The following DENND1A variants were observed in gnomAD, a reference collection of about 807,000 sequenced individuals.
DENND1A encodes the protein DENN domain-containing protein 1A.
A neutral mutation model predicts 113.7 loss-of-function variants in DENND1A; 51 were observed. That is an observed-to-expected ratio of 0.45 (90% CI 0.36 to 0.57). The LOEUF (loss-of-function observed/expected upper bound fraction) is 0.57, where lower values mean the gene tolerates loss of function less well. Among genes scored for constraint, DENND1A ranks in the 20% least tolerant of loss-of-function variants. The pLI is 0.00. For missense variants in DENND1A, 1,258 were observed against 1,395.9 expected (o/e 0.90, Z 1.57); for synonymous variants, 565 against 570.8 (o/e 0.99, Z 0.14).
intron 13 of DENND1A, among the ~76,000 whole-genome samples, chr9:123,490,735 A>G (rs1038243820): frequency 3.9e-5 from 6 of 152,326 alleles, no homozygotes; most frequent in African/African-American, 9.6e-5. Flanking sequence ...AATATATGCT[A>G]TAATTTCAAT....
chr9:123,588,636 G>T lies in DENND1A; in HGVS notation c.766-5366C>A, dbSNP rs1041879160. Among the ~76,000 whole-genome samples, 82 of 134,126 alleles carry T rather than the reference G, an allele frequency of 6.1e-4. 2 individuals carry two copies. Among genetic ancestry groups the T allele is most frequent in the Admixed American group, 2.1e-3 (28 of 13,576 alleles). The allele number at this position is 134,126 out of a possible 152,430, so 88.0% of individuals were successfully genotyped here. A position where few individuals can be genotyped will look rare whatever the true frequency, so the allele number is the denominator to read the frequency against. ...ACTCCATCTCAAAAAAAAAAAAAGG[G>T]GGGGGGGGAAGAGAAAAGTTTAAAG... On this transcript the variant is annotated intron_variant, in intron 11 of 23. Transcript: ENST00000394215.
intron 5 of DENND1A, among the ~76,000 whole-genome samples, chr9:123,732,876 G>A (rs2068277110): frequency 6.6e-6 from 1 of 152,108 alleles, no homozygotes; most frequent in Non-Finnish European, 1.5e-5. Context: ...TGTATAATGG[G>A]GGCCATAGTG....
chr9:123,838,255 A>AAAGG (rs909593681), intron 2 of DENND1A, among the ~76,000 whole-genome samples: 68 of 152,316 alleles, frequency 4.5e-4, no homozygotes, highest in African/African-American at 1.4e-3. Context: ...CACTTATAAA[A>AAAGG]TGAGGACAAT....
intron 8 of DENND1A, among the ~76,000 whole-genome samples, chr9:123,663,670 G>T (rs2063355626): frequency 6.6e-6 from 1 of 151,104 alleles, no homozygotes; most frequent in Non-Finnish European, 1.5e-5. Context: ...GGGGGTGGTG[G>T]TAATGGGGGC....
At chr9:123,492,759 C>G (rs2051491160) in intron 13 of DENND1A, 1 of 152,216 alleles carries the variant, frequency 6.6e-6, no homozygotes, top group Non-Finnish European at 1.5e-5. Context: ...AGCCCGTTAG[C>G]AGGAATGACC....
intron 5 of DENND1A, among the ~76,000 whole-genome samples, chr9:123,749,014 G>C (rs2069771295): frequency 1.3e-5 from 2 of 152,142 alleles, no homozygotes; most frequent in African/African-American, 2.4e-5. Flanking sequence ...CTAACCAAAA[G>C]GGAATGTGAC....
intron 2 of DENND1A, among the ~76,000 whole-genome samples, chr9:123,825,314 T>C (rs1839140888): frequency 6.8e-6 from 1 of 148,146 alleles, no homozygotes; most frequent in Admixed American, 6.6e-5. Context: ...AGCTCTTCTT[T>C]TAAAAAAAAA....
intron 13 of DENND1A, among the ~76,000 whole-genome samples, chr9:123,548,065 A>G (rs1441310084): frequency 1.3e-5 from 2 of 152,196 alleles, no homozygotes; most frequent in South Asian, 4.1e-4. Context: ...CTAGTAGATG[A>G]CAGAACTAGA....
In DENND1A at chr9:123,413,359, C is replaced by T; in HGVS notation, c.1489-1530G>A. 5 of 936,496 alleles carry T rather than the reference C, an allele frequency of 5.3e-6. No individual in the cohort carries two copies. The South Asian group carries it at 2.5e-4, about 46-fold the overall frequency. The allele number at this position is 936,496 out of a possible 1,614,324, so 58.0% of individuals were successfully genotyped here. A position where few individuals can be genotyped will look rare whatever the true frequency, so the allele number is the denominator to read the frequency against. ...ATCAATTTCACCTGTTTATGTTTCA[C>T]ATTCAGAATTCCACATGTGACTCCC... On this transcript the variant is annotated intron_variant, in intron 19 of 23. Transcript: ENST00000394215.
intron 19 of DENND1A, among the ~76,000 whole-genome samples, chr9:123,435,342 C>A (rs79588775): frequency 0.022 from 3,351 of 152,218 alleles, 122 homozygotes; most frequent in African/African-American, 0.074. Context: ...GACCCTGATG[C>A]CAGAATTCTC....
intron 1 of DENND1A, among the ~76,000 whole-genome samples, chr9:123,916,762 T>C (rs1429074524): frequency 1.3e-5 from 2 of 152,154 alleles, no homozygotes; most frequent in Non-Finnish European, 2.9e-5. Context: ...TAGGCAGGGA[T>C]AGAAGTTAGA....
At chr9:123,720,775 T>G (rs898697601) in intron 5 of DENND1A, among the ~76,000 whole-genome samples, 1 of 152,216 alleles carries the variant, frequency 6.6e-6, no homozygotes, top group Non-Finnish European at 1.5e-5. Flanking sequence ...CCATCCAGCA[T>G]GCGTGGGCTG....
intron 2 of DENND1A, among the ~76,000 whole-genome samples, chr9:123,876,981 TG>T (rs1273752181): frequency 6.6e-6 from 1 of 151,908 alleles, no homozygotes; most frequent in Non-Finnish European, 1.5e-5. Flanking sequence ...CACCTATAAG[TG>T]GGAACTAAAT....
At position 123,746,468 on chromosome 9, in the gene DENND1A, A is replaced by C. The variant is rs372319184; in HGVS notation, c.302+11235T>G. On this transcript the variant is annotated intron_variant, in intron 5 of 23. Transcript: ENST00000394215. ...AGTTTGAATATCCCTTATCCAAAACATATGGGACCAGAAATGTTTCAGATT... is the reference window on the plus strand; with the variant it reads ...AGTTTGAATATCCCTTATCCAAAACCTATGGGACCAGAAATGTTTCAGATT... Among the ~76,000 whole-genome samples, 32 of 152,342 alleles carry C rather than the reference A, an allele frequency of 2.1e-4. No individual in the cohort carries two copies. In the East Asian group the frequency reaches 5.8e-3, roughly 28 times the overall value.
At chr9:123,617,326 C>T (rs1356115427) in intron 10 of DENND1A, among the ~76,000 whole-genome samples, 2 of 152,118 alleles carry the variant, frequency 1.3e-5, no homozygotes, top group Non-Finnish European at 2.9e-5. Context: ...CGGGGCCCTG[C>T]CACAGCAGAG....
chr9:123,491,640 C>T (rs779939988), intron 13 of DENND1A, among the ~76,000 whole-genome samples: 5 of 152,218 alleles, frequency 3.3e-5, no homozygotes, highest in Admixed American at 6.5e-5. Flanking sequence ...GACTGCTCTT[C>T]CTGCATCTCA....
At chr9:123,787,950 A>T (rs1327296086) in intron 3 of DENND1A, among the ~76,000 whole-genome samples, 2 of 152,102 alleles carry the variant, frequency 1.3e-5, no homozygotes, top group African/African-American at 4.8e-5. Flanking sequence ...GTGCCAGTGG[A>T]AAGAAAAATT....
chr9:123,472,921 G>A (rs2049562986), intron 13 of DENND1A, among the ~76,000 whole-genome samples: 2 of 152,156 alleles, frequency 1.3e-5, no homozygotes, highest in South Asian at 4.1e-4. Flanking sequence ...ACCCTTGGAG[G>A]ATTAACCCAG....
intron 21 of DENND1A, among the ~76,000 whole-genome samples, chr9:123,395,480 G>C (rs1249309997): frequency 1.3e-5 from 2 of 148,706 alleles, no homozygotes; most frequent in African/African-American, 2.4e-5. Context: ...GTGTGTGTGT[G>C]TGTGTGTGTG....
Sources: allele counts gnomAD v4.1 joint callset (sites outside exome capture counted in the v4.1 genomes callset), GRCh38; gene constraint gnomAD v4.1.1; transcripts MANE v1.5; gene names NCBI Gene and HGNC (gene_info 2026-07-23, HGNC 2026-07-21).